Variants in ANKFN1 observed in about 807,000 individuals in gnomAD.
ANKFN1 encodes the protein ankyrin repeat and fibronectin type-III domain-containing protein 1.
Under a neutral mutation model 108.7 loss-of-function variants are expected in ANKFN1, and 74 were observed. The ratio of observed to expected loss-of-function variants is 0.68; its 90% CI spans 0.56 to 0.83. The LOEUF (loss-of-function observed/expected upper bound fraction) is 0.83. ANKFN1 is among the 40% of genes least tolerant of loss of function. The probability of loss-of-function intolerance (pLI) is 0.00; values close to 1 mark genes in which losing one functional copy is unlikely to be tolerated. For synonymous variants in ANKFN1, 547 were observed against 516.2 expected (o/e 1.06, Z -0.81); for missense variants, 1,505 against 1,382.3 (o/e 1.09, Z -1.41).
chr17:56,252,570 G>A (rs2043258644), intron 3 of ANKFN1, among the ~76,000 whole-genome samples: 1 of 151,748 alleles, frequency 6.6e-6, no homozygotes, highest in South Asian at 2.1e-4. Flanking sequence ...GAGGTCAAGA[G>A]TTTGAGACTA....
intron 4 of ANKFN1, among the ~76,000 whole-genome samples, chr17:56,070,922 G>A (rs1470552890): frequency 6.6e-6 from 1 of 152,018 alleles, no homozygotes; most frequent in African/African-American, 2.4e-5. Flanking sequence ...TTTAAGTAGA[G>A]ATGGGGTTTC....
At chr17:56,416,041 C>T (rs1370725063) in intron 8 of ANKFN1, among the ~76,000 whole-genome samples, 1 of 152,138 alleles carries the variant, frequency 6.6e-6, no homozygotes, top group Non-Finnish European at 1.5e-5. Flanking sequence ...ACCTCTATCT[C>T]TCACCATATA....
At chr17:56,363,380 T>C (rs541757436) in intron 6 of ANKFN1, among the ~76,000 whole-genome samples, 60 of 152,260 alleles carry the variant, frequency 3.9e-4, no homozygotes, top group African/African-American at 1.3e-3. Context: ...TGAGATATCA[T>C]CTAACACCTG....
intron 8 of ANKFN1, among the ~76,000 whole-genome samples, chr17:56,439,678 T>A (rs1015419790): frequency 6.6e-6 from 1 of 151,992 alleles, no homozygotes; most frequent in Non-Finnish European, 1.5e-5. Flanking sequence ...GGGAAGAGAA[T>A]GTTTTCAGAA....
chr17:56,145,917 T>A (rs1228482446), intron 4 of ANKFN1, among the ~76,000 whole-genome samples: 1 of 152,126 alleles, frequency 6.6e-6, no homozygotes, highest in African/African-American at 2.4e-5. Context: ...AAGTTCACAG[T>A]CCAAAGTCTC....
rs1396505310 is a variant in ANKFN1 at position 56,368,275 on chromosome 17, A to AGTTTTTTTTTTT, written c.602-4371_602-4370insGTTTTTTTTTTT. 1.0e-3 allele frequency: 32 copies of AGTTTTTTTTTTT among 31,504 alleles called. 1 individual carries two copies. Among genetic ancestry groups the AGTTTTTTTTTTT allele is most frequent in the Non-Finnish European group, 2.5e-3 (25 of 9,930 alleles). The allele number at this position is 31,504 out of a possible 1,614,324, so 2.0% of individuals were successfully genotyped here. On this transcript the variant is annotated intron_variant, in intron 6 of 20. Transcript: ENST00000682825. The stretch of plus-strand genomic sequence containing the variant: ...ACAAACTTGAATAAACTGAAAATGA[A>AGTTTTTTTTTTT]CTTTTTTTTTTTTTTTTTTTTTGAG...
chr17:56,479,213 A>G (rs1395239379), intron 16 of ANKFN1, among the ~76,000 whole-genome samples: 5 of 152,314 alleles, frequency 3.3e-5, no homozygotes, highest in African/African-American at 1.2e-4. Context: ...AGATTCCAGT[A>G]GCCTTTTCTC....
intron 8 of ANKFN1, among the ~76,000 whole-genome samples, chr17:56,420,938 G>A (rs1357980678): frequency 6.6e-6 from 1 of 152,014 alleles, no homozygotes; most frequent in Non-Finnish European, 1.5e-5. Flanking sequence ...TCGATCTCCT[G>A]ACCTCGTGAT....
intron 8 of ANKFN1, among the ~76,000 whole-genome samples, chr17:56,423,371 G>A (rs2192217): frequency 0.029 from 4,428 of 152,252 alleles, 182 homozygotes; most frequent in African/African-American, 0.099. Flanking sequence ...GAAGCAGCTC[G>A]CTGATTTGAA....
Position 56,128,614 on chromosome 17 carries a change from T to C in ANKFN1, c.288+82289T>C, listed in dbSNP as rs564310434. Among the ~76,000 whole-genome samples the C allele has an allele frequency of 2.4e-4, 37 of 152,350 alleles. 1 individual carries two copies. The highest frequency in any genetic ancestry group is 8.7e-4 in the African/African-American group (36 of 41,582). The stretch of plus-strand genomic sequence containing the variant: ...AGACTTTTTATAAAACTAGATGCTC[T>C]TTCTAATGAGAGCTGGCTATGTGTA... On this transcript the variant is annotated intron_variant, in intron 4 of 12. Transcript: ENST00000635860.
chr17:56,494,801 C>A (rs995190908), intron 19 of ANKFN1, among the ~76,000 whole-genome samples: 1 of 152,096 alleles, frequency 6.6e-6, no homozygotes, highest in African/African-American at 2.4e-5. Flanking sequence ...GCCTTAGGTT[C>A]TGTTTCTGCC....
chr17:56,445,298 G>T (rs940614300), intron 10 of ANKFN1, among the ~76,000 whole-genome samples: 3 of 152,172 alleles, frequency 2.0e-5, no homozygotes, highest in Non-Finnish European at 4.4e-5. Context: ...GCATATAGAT[G>T]CATTTGCTGA....
intron 3 of ANKFN1, among the ~76,000 whole-genome samples, chr17:56,302,672 A>T (rs2044707020): frequency 6.6e-6 from 1 of 152,208 alleles, no homozygotes; most frequent in South Asian, 2.1e-4. Context: ...AGTTCTTCAT[A>T]ATCCTACCCC....
chr17:56,510,703 G>A lies in ANKFN1; in HGVS notation c.2875G>A (p.Gly959Ser), dbSNP rs1390535199. Residue 959 changes from glycine (G) to serine (S), a missense_variant, in exon 21 of 21, where the codon GGC becomes AGC. Physicochemically the swap from Gly to Ser is moderately conservative, Grantham distance 56. Coordinates refer to ENST00000682825, the MANE Select transcript of ANKFN1 (RefSeq NM_001370326.1). Reference protein sequence around the residue: ...LGPGQDPQGEGPNPDHSCAEF... With the variant: ...LGPGQDPQGESPNPDHSCAEF... ...GCCGGGCCAGGATCCCCAGGGCGAGGGCCCAAATCCCGATCACTCATGTGC... is the reference window on the plus strand; with the variant it reads ...GCCGGGCCAGGATCCCCAGGGCGAGAGCCCAAATCCCGATCACTCATGTGC... 6.5e-7 allele frequency: 1 copy of A among 1,536,118 alleles called. No individual in the cohort carries two copies. Among genetic ancestry groups the A allele is most frequent in the South Asian group, 1.2e-5 (1 of 84,058 alleles).
chr17:56,096,825 C>T (rs9903185), intron 4 of ANKFN1, among the ~76,000 whole-genome samples: 14,263 of 152,112 alleles, frequency 0.094, 1,022 homozygotes, highest in African/African-American at 0.2. Flanking sequence ...GTGTTTATTG[C>T]AGCAATATTC....
At chr17:56,359,012 G>A (rs1398548588) in intron 6 of ANKFN1, among the ~76,000 whole-genome samples, 3 of 152,164 alleles carry the variant, frequency 2.0e-5, no homozygotes, top group Admixed American at 2.0e-4. Flanking sequence ...CCCATAGATA[G>A]TAATCATAAA....
intron 8 of ANKFN1, among the ~76,000 whole-genome samples, chr17:56,378,947 G>A (rs1039940805): frequency 5.3e-5 from 8 of 151,998 alleles, no homozygotes; most frequent in Admixed American, 3.9e-4. Context: ...GTCAGGATCC[G>A]GCCAATTTAT....
intron 3 of ANKFN1, among the ~76,000 whole-genome samples, chr17:56,234,715 G>A (rs1468431153): frequency 2.0e-5 from 3 of 152,032 alleles, no homozygotes; most frequent in Non-Finnish European, 4.4e-5. Flanking sequence ...GTATTCCATG[G>A]TATATATGTA....
chr17:56,443,217 G>A (rs1008779328), intron 10 of ANKFN1, among the ~76,000 whole-genome samples: 12 of 152,142 alleles, frequency 7.9e-5, no homozygotes, highest in African/African-American at 2.9e-4. Flanking sequence ...TAACAGTCAG[G>A]CATGGTGGCT....
Sources: gnomAD v4.1 joint callset for allele counts (sites outside exome capture counted in the v4.1 genomes callset) on GRCh38, gnomAD v4.1.1 for gene constraint, MANE v1.5 for transcripts, NCBI Gene and HGNC (gene_info 2026-07-23, HGNC 2026-07-21) for gene names.